HCN1: variants seen among roughly 807,000 people sequenced by gnomAD.
HCN1 encodes the protein potassium/sodium hyperpolarization-activated cyclic nucleotide-gated channel 1.
HCN1 carries 13 observed loss-of-function variants against 78.9 expected under a neutral mutation model. The observed-to-expected ratio is 0.16, with a 90% CI of 0.11 to 0.26. HCN1 has a LOEUF of 0.26. Ranked by LOEUF, HCN1 falls within the 10% of genes least tolerant of loss-of-function variation. The pLI is 1.00. For synonymous variants in HCN1, 552 were observed against 455.5 expected (o/e 1.21, Z -2.70); for missense variants, 810 against 1,154.3 (o/e 0.70, Z 4.32).
At chr5:45,464,812 CTT>C (rs35637221) in intron 2 of HCN1, among the ~76,000 whole-genome samples, 37,863 of 151,840 alleles carry the variant, frequency 0.25, 4,883 homozygotes, top group East Asian at 0.32. Flanking sequence ...CCTGTTAAAA[CTT>C]TACTCAAGAA....
At chr5:45,374,334 A>G (rs1185512424) in intron 4 of HCN1, among the ~76,000 whole-genome samples, 1 of 139,316 alleles carries the variant, frequency 7.2e-6, no homozygotes, top group Non-Finnish European at 1.5e-5. Flanking sequence ...CATTATATAC[A>G]TTATATATAT....
At chr5:45,648,567 T>C (rs1378539604) in intron 1 of HCN1, among the ~76,000 whole-genome samples, 1 of 152,136 alleles carries the variant, frequency 6.6e-6, no homozygotes, top group Non-Finnish European at 1.5e-5. Context: ...AATCATCACC[T>C]GTTCTAGAAG....
chr5:45,345,022 A>G (rs1319559181), intron 5 of HCN1, among the ~76,000 whole-genome samples: 1 of 152,084 alleles, frequency 6.6e-6, no homozygotes, highest in Non-Finnish European at 1.5e-5. Context: ...CTGGACATCC[A>G]CGCATTTCCA....
rs375610720 is a variant in HCN1 at position 45,270,424 on chromosome 5, G to A, written c.1619-3171C>T. ...AAATACTGGTTTAATCCCTGAAGTA[G>A]TATATGATGCCAGCCATACAAGATT... is the stretch of plus-strand genomic sequence containing the variant. On this transcript the variant is annotated intron_variant, in intron 6 of 7. Transcript: ENST00000303230. 8.7e-4 allele frequency among the ~76,000 whole-genome samples: 132 copies of A among 152,284 alleles called. 1 individual carries two copies. The South Asian group carries it at 0.019, about 21-fold the overall frequency.
intron 2 of HCN1, among the ~76,000 whole-genome samples, chr5:45,566,024 C>T (rs1201383685): frequency 6.6e-6 from 1 of 152,102 alleles, no homozygotes; most frequent in Non-Finnish European, 1.5e-5. Flanking sequence ...AATCTGAATA[C>T]TGCTAATTAG....
At chr5:45,371,335 G>C (rs1747352679) in intron 4 of HCN1, among the ~76,000 whole-genome samples, 1 of 151,920 alleles carries the variant, frequency 6.6e-6, no homozygotes, top group Non-Finnish European at 1.5e-5. Flanking sequence ...ATGAATCCTG[G>C]AGTTGGTTCC....
chr5:45,670,924 G>A (rs989477024), intron 1 of HCN1, among the ~76,000 whole-genome samples: 22 of 151,270 alleles, frequency 1.5e-4, no homozygotes, highest in African/African-American at 5.1e-4. Flanking sequence ...CATAAATCTC[G>A]GTTACTTTAT....
At position 45,593,291 on chromosome 5, in the gene HCN1, TTCTCTCTCTCTCTCTC is replaced by T. The variant is rs372080697; in HGVS notation, c.849+51878_849+51893del. 2.4e-5 allele frequency among the ~76,000 whole-genome samples: 3 copies of T among 124,474 alleles called. No homozygotes were observed. The Admixed American group carries it at 2.5e-4, about 10-fold the overall frequency. The allele number at this position is 124,474 out of a possible 152,430, so 81.7% of individuals were successfully genotyped here. A position where few individuals can be genotyped will look rare whatever the true frequency, so the allele number is the denominator to read the frequency against. On this transcript the variant is annotated intron_variant, in intron 2 of 7. Transcript: ENST00000303230. The stretch of plus-strand genomic sequence containing the variant: ...ATCCAGAGACAAAGGTAGAGGTATA[TTCTCTCTCTCTCTCTC>T]TCTCTCTCTCTCTCCCTCTCTCTCT...
rs182260147 is a variant in HCN1, at chr5:45,435,239, A to G, written c.1011+26607T>C. ...TGCAGGAAAATCAAATAGTTCCCCA[A>G]TGTATTGATACGATGACTGAAGCTT... On this transcript the variant is annotated intron_variant, in intron 3 of 7. Transcript: ENST00000303230. Among the ~76,000 whole-genome samples the G allele has an allele frequency of 1.7e-3, 255 of 152,216 alleles. 1 individual carries two copies. The highest frequency in any genetic ancestry group is 5.9e-3 in the African/African-American group (244 of 41,582).
chr5:45,586,645 C>A (rs1744234394), intron 2 of HCN1, among the ~76,000 whole-genome samples: 1 of 152,062 alleles, frequency 6.6e-6, no homozygotes, highest in African/African-American at 2.4e-5. Flanking sequence ...TGCAGCTGTT[C>A]CTATTTGGCC....
chr5:45,582,056 A>T (rs1444307304), intron 2 of HCN1, among the ~76,000 whole-genome samples: 1 of 152,162 alleles, frequency 6.6e-6, no homozygotes, highest in African/African-American at 2.4e-5. Flanking sequence ...AATTCTGTGA[A>T]GAAAGTCATT....
chr5:45,560,053 C>T (rs2111875709), intron 2 of HCN1: 1 of 152,238 alleles, frequency 6.6e-6, no homozygotes, highest in South Asian at 2.1e-4. Context: ...AGGGTAATTA[C>T]ATTGTTTTTA....
At chr5:45,534,200 A>C (rs555994815) in intron 2 of HCN1, among the ~76,000 whole-genome samples, 17 of 151,660 alleles carry the variant, frequency 1.1e-4, no homozygotes, top group South Asian at 2.1e-4. Flanking sequence ...GTTTGAGACC[A>C]GCCTAGCCAA....
intron 2 of HCN1, among the ~76,000 whole-genome samples, chr5:45,508,430 T>A (rs1452292548): frequency 1.3e-5 from 2 of 152,098 alleles, no homozygotes; most frequent in East Asian, 3.9e-4. Context: ...ATGTTCACAA[T>A]TTTCACCTGT....
intron 5 of HCN1, among the ~76,000 whole-genome samples, chr5:45,306,519 CTG>C (rs933622291): frequency 3.1e-4 from 47 of 152,114 alleles, no homozygotes; most frequent in African/African-American, 1.1e-3. Context: ...CTGATTAAAA[CTG>C]TAAATTCTAA....
intron 2 of HCN1, among the ~76,000 whole-genome samples, chr5:45,586,142 C>T (rs1412976627): frequency 6.6e-6 from 1 of 152,206 alleles, no homozygotes; most frequent in African/African-American, 2.4e-5. Flanking sequence ...CAGAGGCAGG[C>T]AGGCTTCCTT....
At chr5:45,387,934 C>T (rs1037624226) in intron 4 of HCN1, among the ~76,000 whole-genome samples, 5 of 152,024 alleles carry the variant, frequency 3.3e-5, no homozygotes, top group Non-Finnish European at 5.9e-5. Context: ...GTGATAAAAG[C>T]TATGTGAATG....
intron 2 of HCN1, among the ~76,000 whole-genome samples, chr5:45,581,766 A>T (rs1343644531): frequency 1.3e-5 from 2 of 152,178 alleles, no homozygotes; most frequent in African/African-American, 4.8e-5. Context: ...AGCACCATTT[A>T]TTAAATAGGG....
intron 2 of HCN1, among the ~76,000 whole-genome samples, chr5:45,585,525 T>C (rs1390785331): frequency 3.3e-5 from 5 of 152,140 alleles, no homozygotes; most frequent in Admixed American, 2.6e-4. Context: ...TCTCTCAACT[T>C]ATCAAAGTCA....
Sources: allele counts gnomAD v4.1 joint callset (sites outside exome capture counted in the v4.1 genomes callset), GRCh38; gene constraint gnomAD v4.1.1; transcripts MANE v1.5; gene names NCBI Gene and HGNC (gene_info 2026-07-23, HGNC 2026-07-21).